SPTSSB: variants seen among roughly 807,000 people sequenced by gnomAD.
SPTSSB encodes the protein androgen down regulated in mouse prostate.
Under a neutral mutation model 7.7 loss-of-function variants are expected in SPTSSB, and 6 were observed. That is an observed-to-expected ratio of 0.78 (90% CI 0.43 to 1.54). The LOEUF (loss-of-function observed/expected upper bound fraction) is 1.54. SPTSSB is among the 40% of genes most tolerant of loss of function. The probability of loss-of-function intolerance (pLI) is 0.01; values close to 1 mark genes in which losing one functional copy is unlikely to be tolerated. For missense variants in SPTSSB, 91 were observed against 93.0 expected, an observed-to-expected ratio of 0.98 and a Z score of 0.09; for synonymous variants, 28 against 29.7, an observed-to-expected ratio of 0.94 and a Z score of 0.19.
intron 1 of SPTSSB, among the ~76,000 whole-genome samples, chr3:161,369,012 T>G (rs1179977844): frequency 6.6e-6 from 1 of 152,230 alleles, no homozygotes; most frequent in African/African-American, 2.4e-5. Flanking sequence ...TTATGAGTAA[T>G]GCCACTATGA....
chr3:161,368,513 G>A (rs1452493224), intron 1 of SPTSSB, among the ~76,000 whole-genome samples: 3 of 149,202 alleles, frequency 2.0e-5, no homozygotes, highest in Non-Finnish European at 4.5e-5. Context: ...TGCAAGCTCC[G>A]CCTCCCGGGT....
chr3:161,347,530 G>A (rs1193610731), intron 2 of SPTSSB, among the ~76,000 whole-genome samples: 1 of 152,192 alleles, frequency 6.6e-6, no homozygotes, highest in East Asian at 1.9e-4. Flanking sequence ...TCAAAGTGCT[G>A]GGATGACAGG....
chr3:161,359,482 G>A (rs1450523), intron 2 of SPTSSB: 64,328 of 152,672 alleles, frequency 0.42, 14,177 homozygotes, highest in East Asian at 0.64. Context: ...TAGGCTAGGA[G>A]TTCTTAACCT....
chr3:161,364,284 A>G (rs1214829257), intron 1 of SPTSSB, among the ~76,000 whole-genome samples: 2 of 152,166 alleles, frequency 1.3e-5, no homozygotes, highest in Non-Finnish European at 2.9e-5. Context: ...TAGGCATCAC[A>G]TGCTTTCCTT....
At chr3:161,366,962 G>A (rs1185721156) in intron 1 of SPTSSB, among the ~76,000 whole-genome samples, 1 of 152,160 alleles carries the variant, frequency 6.6e-6, no homozygotes, top group African/African-American at 2.4e-5. Context: ...ATTACCTGAT[G>A]TCAGGAGTTT....
intron 2 of SPTSSB, chr3:161,359,581 G>C: frequency 2.5e-6 from 1 of 397,616 alleles, no homozygotes; most frequent in Non-Finnish European, 3.4e-6. Flanking sequence ...ACGTTTCAAA[G>C]GAACTTGGAA....
intron 1 of SPTSSB, among the ~76,000 whole-genome samples, chr3:161,363,621 T>C (rs1404554931): frequency 6.6e-6 from 1 of 152,112 alleles, no homozygotes; most frequent in Non-Finnish European, 1.5e-5. Flanking sequence ...TTTACCATTT[T>C]TAAAAAACTT....
chr3:161,352,830 T>C (rs1335673297), intron 2 of SPTSSB, among the ~76,000 whole-genome samples: 1 of 152,188 alleles, frequency 6.6e-6, no homozygotes, highest in Non-Finnish European at 1.5e-5. Flanking sequence ...ATATAACAAA[T>C]GCTTTTTTAC....
rs1553804940 is a variant in SPTSSB, at chr3:161,369,314, CTCTTTCTTTCTT to C, written c.-126+2109_-126+2120del. Among the ~76,000 whole-genome samples, 21 of 65,726 alleles carry C rather than the reference CTCTTTCTTTCTT, an allele frequency of 3.2e-4. 1 individual carries two copies. Among genetic ancestry groups the C allele is most frequent in the South Asian group, 1.9e-3 (3 of 1,598 alleles). 43.1% of individuals were successfully genotyped at this position (65,726 alleles called of 152,430 possible). ...TCTTTCTTTCTTTCTTTCTTTCTTTCTCTTTCTTTCTTTCTTTCTTTCTTTCTTTCTTTCTTT... is the reference window on the plus strand; with the variant it reads ...TCTTTCTTTCTTTCTTTCTTTCTTTCTCTTTCTTTCTTTCTTTCTTTCTTT... On this transcript the variant is annotated intron_variant, in intron 1 of 2. Coordinates refer to ENST00000620149, the MANE Select transcript of SPTSSB (RefSeq NM_001040100.2).
intron 2 of SPTSSB, among the ~76,000 whole-genome samples, chr3:161,350,620 C>T (rs1386999037): frequency 1.3e-5 from 2 of 152,086 alleles, no homozygotes; most frequent in African/African-American, 2.4e-5. Flanking sequence ...TAAAAAGAGA[C>T]TCTTTCTGTA....
At chr3:161,349,273 T>A (rs977393010) in intron 2 of SPTSSB, among the ~76,000 whole-genome samples, 14 of 152,118 alleles carry the variant, frequency 9.2e-5, no homozygotes, top group African/African-American at 2.9e-4. Flanking sequence ...GGAAAGGACA[T>A]GGAAAAATGC....
chr3:161,360,324 A>G (rs1316077893), intron 1 of SPTSSB, among the ~76,000 whole-genome samples: 1 of 152,216 alleles, frequency 6.6e-6, no homozygotes, highest in East Asian at 1.9e-4. Context: ...GACACGGGGA[A>G]GAGATTAGAT....
At chr3:161,364,678 A>T (rs1258437543) in intron 1 of SPTSSB, among the ~76,000 whole-genome samples, 1 of 150,938 alleles carries the variant, frequency 6.6e-6, no homozygotes, top group East Asian at 1.9e-4. Context: ...TATATATATA[A>T]TATATATTTA....
rs115220208 is a variant in SPTSSB, at chr3:161,366,514, T to C, written c.-126+4921A>G. Reference sequence around the variant, plus strand: ...AATTAACTGGGAGCTGGTAGTCCTTTTGGCGAGTTACAGTGGCCAGGTTTG... The same window carrying C: ...AATTAACTGGGAGCTGGTAGTCCTTCTGGCGAGTTACAGTGGCCAGGTTTG... On this transcript the variant is annotated intron_variant, in intron 1 of 2. Transcript: ENST00000620149. 2.6e-3 allele frequency among the ~76,000 whole-genome samples: 403 copies of C among 152,290 alleles called. 3 individuals are homozygous for C. Among genetic ancestry groups the C allele is most frequent in the African/African-American group, 9.4e-3 (391 of 41,562 alleles).
Position 161,371,473 on chromosome 3 carries a change from G to T in SPTSSB, c.-164C>A. 2.0e-6 allele frequency: 2 copies of T among 985,502 alleles called. No homozygotes were observed. Among genetic ancestry groups the T allele is most frequent in the Non-Finnish European group, 2.4e-6 (2 of 830,000 alleles). The allele number at this position is 985,502 out of a possible 1,614,324, so 61.0% of individuals were successfully genotyped here. On this transcript the variant is annotated 5_prime_UTR_variant, in exon 1 of 3. Coordinates refer to ENST00000620149, the MANE Select transcript of SPTSSB (RefSeq NM_001040100.2). ...GTATCTCCCTGCGGCTTAGGTGAGC[G>T]CCGAGGCTTTGGCTCCTCCCCAGCT...
intron 2 of SPTSSB, among the ~76,000 whole-genome samples, chr3:161,358,333 A>T (rs1023416431): frequency 2.0e-5 from 3 of 152,060 alleles, no homozygotes; most frequent in Non-Finnish European, 4.4e-5. Flanking sequence ...TCGTACGGTG[A>T]AGTGGTTACA....
intron 2 of SPTSSB, among the ~76,000 whole-genome samples, chr3:161,353,233 C>A (rs554709260): frequency 3.3e-5 from 5 of 152,266 alleles, no homozygotes; most frequent in African/African-American, 1.2e-4. Context: ...GTAATATTCA[C>A]AGCAACTGTA....
intron 1 of SPTSSB, among the ~76,000 whole-genome samples, chr3:161,369,298 CTT>C (rs1553804892): frequency 1.0e-4 from 6 of 60,208 alleles, no homozygotes; most frequent in African/African-American, 2.3e-4. Context: ...TTCTTTCTTT[CTT>C]TCTTTCTTTC....
intron 1 of SPTSSB, among the ~76,000 whole-genome samples, chr3:161,365,453 G>A (rs1486933891): frequency 2.0e-5 from 3 of 152,220 alleles, no homozygotes; most frequent in African/African-American, 4.8e-5. Context: ...CAGTCTGGAG[G>A]AGGTGTCAGG....
Sources: allele counts gnomAD v4.1 joint callset (sites outside exome capture counted in the v4.1 genomes callset), GRCh38; gene constraint gnomAD v4.1.1; transcripts MANE v1.5; gene names NCBI Gene and HGNC (gene_info 2026-07-23, HGNC 2026-07-21).